BCAS3: variants seen among roughly 807,000 people sequenced by gnomAD.
BCAS3 encodes the protein BCAS4/BCAS3 fusion.
In BCAS3, 53 loss-of-function variants were observed where a neutral mutation model predicts 116.1. The ratio of observed to expected loss-of-function variants is 0.46; its 90% CI spans 0.37 to 0.57. The LOEUF is 0.57. Ranked by LOEUF, BCAS3 falls within the 20% of genes least tolerant of loss-of-function variation. The pLI, the probability that BCAS3 is intolerant of heterozygous loss-of-function variation, is 0.00. For synonymous variants in BCAS3, 391 were observed against 408.2 expected (o/e 0.96, Z 0.51); for missense variants, 917 against 1,165.4 (o/e 0.79, Z 3.10).
chr17:61,160,587 A>G (rs1204318914), intron 22 of BCAS3, among the ~76,000 whole-genome samples: 1 of 152,222 alleles, frequency 6.6e-6, no homozygotes, highest in African/African-American at 2.4e-5. Flanking sequence ...TTTTCTAAAT[A>G]TCACAAAAAT....
intron 22 of BCAS3, among the ~76,000 whole-genome samples, chr17:61,298,914 C>T (rs2053186398): frequency 6.6e-6 from 1 of 151,844 alleles, no homozygotes; most frequent in Non-Finnish European, 1.5e-5. Flanking sequence ...TCTCTGCCTC[C>T]TGGGTTCAAG....
chr17:61,186,129 A>G lies in BCAS3; in HGVS notation c.2425+101565A>G, dbSNP rs2079760230. On this transcript the variant is annotated intron_variant, in intron 22 of 23. Transcript: ENST00000407086. This position sits in a 1 kb window ranked among gnomAD's most constrained non-coding sequence, Gnocchi z 4.9. The stretch of plus-strand genomic sequence containing the variant: ...AAAATGTAGTCCATCTTCTCTTTCT[A>G]GTGCCTTGAATTGCTATTTAACATA... Among the ~76,000 whole-genome samples the G allele has an allele frequency of 2.0e-5, 3 of 152,162 alleles. No individual in the cohort carries two copies. The highest frequency in any genetic ancestry group is 4.4e-5 in the Non-Finnish European group (3 of 68,012).
intron 6 of BCAS3, among the ~76,000 whole-genome samples, chr17:60,801,236 A>G (rs1467104686): frequency 6.6e-6 from 1 of 152,196 alleles, no homozygotes; most frequent in Non-Finnish European, 1.5e-5. Context: ...TAATCAATTT[A>G]TAGTTCAGTA....
intron 22 of BCAS3, among the ~76,000 whole-genome samples, chr17:61,305,485 C>T (rs2053779563): frequency 6.6e-6 from 1 of 152,188 alleles, no homozygotes; most frequent in South Asian, 2.1e-4. Context: ...GTTCATTAAG[C>T]TCTGTCCTCA....
At chr17:60,822,002 T>A (rs549890481) in intron 7 of BCAS3, among the ~76,000 whole-genome samples, 1 of 152,368 alleles carries the variant, frequency 6.6e-6, no homozygotes, top group East Asian at 1.9e-4. Context: ...AGTATGATTA[T>A]GCTCTCATCT....
chr17:60,861,547 G>A (rs1173050317), intron 7 of BCAS3, among the ~76,000 whole-genome samples: 2 of 152,292 alleles, frequency 1.3e-5, no homozygotes, highest in Middle Eastern at 6.8e-3. Context: ...ATTGGTGAGA[G>A]TAGGCGTCTT....
intron 22 of BCAS3, among the ~76,000 whole-genome samples, chr17:61,108,815 C>T (rs945311604): frequency 5.3e-5 from 8 of 152,044 alleles, no homozygotes; most frequent in African/African-American, 9.7e-5. Context: ...TATGCCTTGG[C>T]GTCCTCTTAG....
intron 6 of BCAS3, among the ~76,000 whole-genome samples, chr17:60,794,327 G>A (rs920533160): frequency 1.5e-5 from 1 of 67,450 alleles, no homozygotes; most frequent in African/African-American, 5.9e-5. Context: ...TGTGTAGATC[G>A]TGAAAATTTT....
rs1568119386 is a variant in BCAS3, at chr17:61,013,168, G to A, written c.1487-2583G>A. Among the ~76,000 whole-genome samples the A allele has an allele frequency of 6.6e-6, 1 of 151,814 alleles. No homozygotes were observed. The highest frequency in any genetic ancestry group is 1.9e-4 in the East Asian group (1 of 5,186). ...CTTTTCCATATAAAGTTGTTCCCAC[G>A]TCTGCTTATCTTTGGTTCTTGGCAA... On this transcript the variant is annotated intron_variant, in intron 15 of 23. Transcript: ENST00000407086. This position sits in a 1 kb window ranked among gnomAD's most constrained non-coding sequence, Gnocchi z 4.4.
chr17:60,763,902 ACTT>A (rs2043810705), intron 6 of BCAS3, among the ~76,000 whole-genome samples: 1 of 152,006 alleles, frequency 6.6e-6, no homozygotes, highest in South Asian at 2.1e-4. Context: ...CAGAGATTCA[ACTT>A]CTTCTTGGTT....
At chr17:61,148,959 G>A (rs2077394447) in intron 22 of BCAS3, among the ~76,000 whole-genome samples, 2 of 152,316 alleles carry the variant, frequency 1.3e-5, no homozygotes, top group South Asian at 4.1e-4. Flanking sequence ...ATTGTAACAT[G>A]AAGATAATGA....
At chr17:60,788,243 G>T (rs938671585) in intron 6 of BCAS3, among the ~76,000 whole-genome samples, 1 of 152,152 alleles carries the variant, frequency 6.6e-6, no homozygotes, top group African/African-American at 2.4e-5. Flanking sequence ...TAACAGAAAA[G>T]AATTCTTGTC....
chr17:61,084,615 C>A lies in BCAS3; in HGVS notation c.2425+51C>A. ...ATTGGGCAGTCCTGTGCATTTTTAA[C>A]TAATTTTCTCGCACAATGTAGAGGA... On this transcript the variant is annotated intron_variant, in intron 22 of 23. Transcript: ENST00000407086. The surrounding 1 kb of genome is among the most constrained non-coding windows in gnomAD (Gnocchi z 5.5). 1.4e-6 allele frequency: 2 copies of A among 1,435,640 alleles called. No individual in the cohort carries two copies. The highest frequency in any genetic ancestry group is 2.0e-6 in the Non-Finnish European group (2 of 1,022,458). 88.9% of individuals were successfully genotyped at this position (1,435,640 alleles called of 1,614,324 possible). A position where few individuals can be genotyped will look rare whatever the true frequency, so the allele number is the denominator to read the frequency against.
At chr17:60,760,554 T>C (rs2043428791) in intron 6 of BCAS3, among the ~76,000 whole-genome samples, 1 of 152,032 alleles carries the variant, frequency 6.6e-6, no homozygotes, top group Non-Finnish European at 1.5e-5. Context: ...TCTCCAGGCC[T>C]GTAGCTTTCT....
In BCAS3 at chr17:61,034,729, T is replaced by C; in HGVS notation, c.1701T>C (p.Ala567=). 6.2e-7 allele frequency: 1 copy of C among 1,613,022 alleles called. No homozygotes were observed. Among genetic ancestry groups the C allele is most frequent in the Non-Finnish European group, 8.5e-7 (1 of 1,179,132 alleles). Residue 567 remains alanine, a synonymous_variant, in exon 17 of 24, where the codon GCT becomes GCC. Transcript: ENST00000407086. The surrounding 1 kb of genome is among the most constrained non-coding windows in gnomAD (Gnocchi z 5.0). ...SKSMGGEFCV[A]AIFGTSRSWF... ...CGATGGGCGGAGAATTTTGTGTGGC[T>C]GCTATCTTCGGAACATCCAGGTCAT...
In BCAS3 at chr17:61,252,580, T is replaced by TAA. The variant is rs35399806; in HGVS notation, c.2426-115735_2426-115734dup. ...GTTTTTAAAATAGAAGTGAAGGACT[T>TAA]AAAAAAAAAAAAAGCCTGGGAATTA... On this transcript the variant is annotated intron_variant, in intron 22 of 23. Transcript: ENST00000407086. 2.1e-3 allele frequency among the ~76,000 whole-genome samples: 304 copies of TAA among 145,476 alleles called. 2 individuals carry two copies. The highest frequency in any genetic ancestry group is 6.6e-3 in the South Asian group (30 of 4,554).
At chr17:60,912,752 T>G (rs924679977) in intron 12 of BCAS3, among the ~76,000 whole-genome samples, 12 of 152,132 alleles carry the variant, frequency 7.9e-5, no homozygotes, top group Admixed American at 2.0e-4. Context: ...AGTAAAATAT[T>G]CCTTTTGTTC....
At chr17:61,304,605 G>C (rs574903513) in intron 22 of BCAS3, among the ~76,000 whole-genome samples, 1 of 152,132 alleles carries the variant, frequency 6.6e-6, no homozygotes, top group African/African-American at 2.4e-5. Context: ...GAGGAAAGAG[G>C]AAGGGTTAAG....
intron 14 of BCAS3, among the ~76,000 whole-genome samples, chr17:60,983,857 C>T (rs1380242525): frequency 6.6e-6 from 1 of 152,128 alleles, no homozygotes; most frequent in South Asian, 2.1e-4. Flanking sequence ...ATATTAATTT[C>T]TTCCGGTACT....
Sources: allele counts gnomAD v4.1 joint callset (sites outside exome capture counted in the v4.1 genomes callset), GRCh38; gene constraint gnomAD v4.1.1; non-coding constraint Gnocchi (gnomAD v3.1); transcripts MANE v1.5; gene names NCBI Gene and HGNC (gene_info 2026-07-23, HGNC 2026-07-21).